The following SYT9 variants were observed in gnomAD, a reference collection of about 807,000 sequenced individuals.
The protein encoded by SYT9 is synaptotagmin 9.
Under a neutral mutation model 48.4 loss-of-function variants are expected in SYT9, and 22 were observed. That is an observed-to-expected ratio of 0.45 (90% CI 0.32 to 0.65). The LOEUF is 0.65. Among genes scored for constraint, SYT9 ranks in the 30% least tolerant of loss-of-function variants. The probability of loss-of-function intolerance (pLI) is 0.03; values close to 1 mark genes in which losing one functional copy is unlikely to be tolerated. For missense variants in SYT9, 577 were observed against 622.0 expected (o/e 0.93, Z 0.77); for synonymous variants, 265 against 245.0 (o/e 1.08, Z -0.76).
intron 3 of SYT9, among the ~76,000 whole-genome samples, chr11:7,343,596 C>T (rs973506646): frequency 6.6e-6 from 1 of 152,192 alleles, no homozygotes; most frequent in Non-Finnish European, 1.5e-5. Context: ...CTAGGAAGTT[C>T]CAACTTTCCC....
chr11:7,271,742 A>G (rs1046198086), intron 1 of SYT9, among the ~76,000 whole-genome samples: 1 of 151,846 alleles, frequency 6.6e-6, no homozygotes, highest in African/African-American at 2.4e-5. Flanking sequence ...ATACCTGACT[A>G]ATTTTTTGTA....
intron 2 of SYT9, among the ~76,000 whole-genome samples, chr11:7,306,341 A>G (rs1330857071): frequency 6.6e-6 from 1 of 152,208 alleles, no homozygotes; most frequent in Non-Finnish European, 1.5e-5. Flanking sequence ...TGTCTTATGT[A>G]ACACTTCAGT....
intron 1 of SYT9, among the ~76,000 whole-genome samples, chr11:7,274,714 C>G (rs973455781): frequency 6.6e-6 from 1 of 152,200 alleles, no homozygotes; most frequent in African/African-American, 2.4e-5. Flanking sequence ...CTTTTCTTCA[C>G]TTCTCACCCA....
intron 6 of SYT9, among the ~76,000 whole-genome samples, chr11:7,444,020 G>T (rs1475182993): frequency 1.3e-5 from 2 of 152,182 alleles, no homozygotes; most frequent in Non-Finnish European, 2.9e-5. Flanking sequence ...CTACAAAAAG[G>T]GTACAGACTC....
intron 1 of SYT9, among the ~76,000 whole-genome samples, chr11:7,271,562 CT>C (rs1309145561): frequency 1.3e-5 from 2 of 151,958 alleles, no homozygotes; most frequent in Non-Finnish European, 2.9e-5. Context: ...GAATATTCTG[CT>C]TGTTTTTTTG....
chr11:7,461,849 C>T (rs1165160183), intron 6 of SYT9, among the ~76,000 whole-genome samples: 1 of 152,224 alleles, frequency 6.6e-6, no homozygotes, highest in Non-Finnish European at 1.5e-5. Context: ...GCCACCTCAT[C>T]GAAAAATATG....
At chr11:7,248,143 A>G (rs1847817665), upstream of SYT9, among the ~76,000 whole-genome samples, 1 of 151,918 alleles carries the variant, frequency 6.6e-6, no homozygotes, top group Non-Finnish European at 1.5e-5. Context: ...TTGTCTATCC[A>G]TGTCCTTATC....
At chr11:7,425,123 C>T (rs1488345557) in intron 6 of SYT9, among the ~76,000 whole-genome samples, 1 of 152,000 alleles carries the variant, frequency 6.6e-6, no homozygotes, top group Non-Finnish European at 1.5e-5. Flanking sequence ...CTTGGAGATC[C>T]ACATATTCCC....
chr11:7,271,205 C>T (rs150745879), intron 1 of SYT9, among the ~76,000 whole-genome samples: 111 of 151,948 alleles, frequency 7.3e-4, no homozygotes, highest in African/African-American at 2.6e-3. Flanking sequence ...GGCTCCAAGC[C>T]CACTTTTGAT....
At chr11:7,466,425 T>G (rs1848336059) in intron 6 of SYT9, among the ~76,000 whole-genome samples, 1 of 152,074 alleles carries the variant, frequency 6.6e-6, no homozygotes, top group Admixed American at 6.5e-5. Flanking sequence ...TGGTGCACAT[T>G]AAAAATGTAT....
intron 1 of SYT9, among the ~76,000 whole-genome samples, chr11:7,246,002 A>G (rs1260594496): frequency 1.3e-5 from 2 of 152,222 alleles, no homozygotes; most frequent in Non-Finnish European, 2.9e-5. Context: ...AACATTGATA[A>G]AAACATTCTG....
chr11:7,265,439 C>A, intron 1 of SYT9, among the ~76,000 whole-genome samples: 1 of 152,140 alleles, frequency 6.6e-6, no homozygotes. Flanking sequence ...TTTGAAGACA[C>A]AACTGCCCTG....
intron 3 of SYT9, among the ~76,000 whole-genome samples, chr11:7,348,591 C>T (rs192600143): frequency 3.3e-5 from 5 of 151,434 alleles, no homozygotes; most frequent in Non-Finnish European, 7.4e-5. Flanking sequence ...ATTTTACTGC[C>T]CTCAGCTTCA....
intron 3 of SYT9, among the ~76,000 whole-genome samples, chr11:7,380,857 T>A (rs952479254): frequency 1.3e-5 from 2 of 152,212 alleles, no homozygotes; most frequent in Admixed American, 6.5e-5. Flanking sequence ...AGATGTTGTA[T>A]CATTGACTTT....
rs1040767149 is a variant in SYT9 at position 7,302,958 on chromosome 11, A to G, written c.146-81A>G. 5 of 1,300,478 alleles carry G rather than the reference A, an allele frequency of 3.8e-6. No individual in the cohort carries two copies. In the African/African-American group the frequency reaches 7.3e-5, roughly 19 times the overall value. 80.6% of individuals were successfully genotyped at this position (1,300,478 alleles called of 1,614,324 possible). A position where few individuals can be genotyped will look rare whatever the true frequency, so the allele number is the denominator to read the frequency against. On this transcript the variant is annotated intron_variant, in intron 1 of 6. Transcript: ENST00000318881. ...GGCTCCCAAGGGATGAGTGGATGAG[A>G]GGGTCATTCTGCCCACGCTGTGCAA...
Position 7,244,420 on chromosome 11 carries a change from G to A in SYT9, c.49+5504G>A, listed in dbSNP as rs191056882. Among the ~76,000 whole-genome samples the A allele has an allele frequency of 1.6e-4, 24 of 152,210 alleles. No homozygotes were observed. The East Asian group carries it at 3.5e-3, about 22-fold the overall frequency. Reference sequence around the variant, plus strand: ...TTTCATCTCTCAAGAAAATTCACTCGAAACAGGAAAGAATAAAGCTCACAG... The same window carrying A: ...TTTCATCTCTCAAGAAAATTCACTCAAAACAGGAAAGAATAAAGCTCACAG... On this transcript the variant is annotated intron_variant and NMD_transcript_variant, in intron 1 of 8. Coordinates refer to the SYT9 transcript ENST00000524820.
chr11:7,285,806 C>T lies in SYT9; in HGVS notation c.146-17233C>T, dbSNP rs575935758. On this transcript the variant is annotated intron_variant, in intron 1 of 6. Transcript: ENST00000318881. Reference sequence around the variant, plus strand: ...GAAATTGGCCAAAACAAAGGGGCTACAGGCCCTATGCAAGTCTGAAATCCA... The same window carrying T: ...GAAATTGGCCAAAACAAAGGGGCTATAGGCCCTATGCAAGTCTGAAATCCA... Among the ~76,000 whole-genome samples, 6 of 152,316 alleles carry T rather than the reference C, an allele frequency of 3.9e-5. No individual in the cohort carries two copies. The South Asian group carries it at 1.2e-3, about 32-fold the overall frequency.
chr11:7,398,690 G>A (rs547825294), intron 3 of SYT9, among the ~76,000 whole-genome samples: 7 of 152,172 alleles, frequency 4.6e-5, no homozygotes, highest in East Asian at 1.9e-4. Context: ...TACTATTCTC[G>A]TGTACGGGTT....
intron 3 of SYT9, among the ~76,000 whole-genome samples, chr11:7,321,121 C>G (rs118012140): frequency 9.9e-5 from 15 of 152,248 alleles, no homozygotes; most frequent in Non-Finnish European, 8.8e-5. Context: ...GGAGAAGATG[C>G]CACAGTTCTC....
Sources: gnomAD v4.1 joint callset for allele counts (sites outside exome capture counted in the v4.1 genomes callset) on GRCh38, gnomAD v4.1.1 for gene constraint, MANE v1.5 for transcripts, NCBI Gene and HGNC (gene_info 2026-07-23, HGNC 2026-07-21) for gene names.